The following GLI3 variants were observed in gnomAD, a reference collection of about 807,000 sequenced individuals.
GLI3 encodes the protein GLI family zinc finger 3, also known as transcription activator GLI3.
In GLI3, 20 loss-of-function variants were observed where a neutral mutation model predicts 100.8. The observed-to-expected ratio is 0.20, with a 90% CI of 0.14 to 0.29. GLI3 has a LOEUF of 0.29. Ranked by LOEUF, GLI3 falls within the 10% of genes least tolerant of loss-of-function variation. The pLI, the probability that GLI3 is intolerant of heterozygous loss-of-function variation, is 1.00. For synonymous variants in GLI3, 938 were observed against 860.5 expected (o/e 1.09, Z -1.58); for missense variants, 2,040 against 2,128.5 (o/e 0.96, Z 0.82).
chr7:42,255,349 A>G (rs1362760763), intron 1 of GLI3, among the ~76,000 whole-genome samples: 2 of 152,164 alleles, frequency 1.3e-5, no homozygotes, highest in African/African-American at 4.8e-5. Context: ...CATTCCATGA[A>G]ATTTATCCAT....
chr7:42,255,071 T>C (rs1402909510), intron 1 of GLI3, among the ~76,000 whole-genome samples: 1 of 147,170 alleles, frequency 6.8e-6, no homozygotes, highest in Non-Finnish European at 1.5e-5. Context: ...TTTTTTTCTG[T>C]TTCTGTTTTT....
intron 3 of GLI3, among the ~76,000 whole-genome samples, chr7:42,107,013 G>A (rs2178029): frequency 0.49 from 74,850 of 151,970 alleles, 20,144 homozygotes; most frequent in East Asian, 0.71. Flanking sequence ...TTTCCAAAGA[G>A]AGAAATGGAA....
intron 7 of GLI3, among the ~76,000 whole-genome samples, chr7:42,033,966 G>A (rs1246161996): frequency 6.6e-6 from 1 of 152,178 alleles, no homozygotes; most frequent in Non-Finnish European, 1.5e-5. Flanking sequence ...TCTGAATAAT[G>A]CTTTGGAGAA....
intron 3 of GLI3, among the ~76,000 whole-genome samples, chr7:42,131,815 A>G (rs1786283940): frequency 6.6e-6 from 1 of 152,202 alleles, no homozygotes; most frequent in African/African-American, 2.4e-5. Flanking sequence ...TACAAGTAAT[A>G]ATATAATATC....
At chr7:42,247,854 C>A (rs1478515705) in intron 1 of GLI3, among the ~76,000 whole-genome samples, 1 of 152,214 alleles carries the variant, frequency 6.6e-6, no homozygotes, top group Admixed American at 6.5e-5. Context: ...ACTCCAACTC[C>A]ATCTGAACTG....
At chr7:42,218,450 C>T (rs1328683368) in intron 2 of GLI3, among the ~76,000 whole-genome samples, 1 of 143,312 alleles carries the variant, frequency 7.0e-6, no homozygotes, top group East Asian at 2.5e-4. Flanking sequence ...TTTGTCATTA[C>T]TTTTAAAGGC....
At chr7:42,241,905 A>C (rs985947565), upstream of GLI3, among the ~76,000 whole-genome samples, 1 of 152,098 alleles carries the variant, frequency 6.6e-6, no homozygotes, top group Non-Finnish European at 1.5e-5. Context: ...AGCATGGTGG[A>C]TTTTACTCAT....
chr7:42,239,969 A>C (rs1300530044), upstream of GLI3, among the ~76,000 whole-genome samples: 1 of 152,204 alleles, frequency 6.6e-6, no homozygotes, highest in African/African-American at 2.4e-5. Context: ...GAATCCCAAA[A>C]TATAGAAGAG....
intron 3 of GLI3, among the ~76,000 whole-genome samples, chr7:42,084,109 T>C (rs1241426445): frequency 1.3e-5 from 2 of 152,362 alleles, no homozygotes; most frequent in Admixed American, 1.3e-4. Flanking sequence ...ACAAGCTTTT[T>C]ATCATTTCTT....
intron 10 of GLI3, among the ~76,000 whole-genome samples, chr7:42,016,972 A>G (rs1198755044): frequency 6.6e-6 from 1 of 152,130 alleles, no homozygotes; most frequent in African/African-American, 2.4e-5. Context: ...GAGGGTGTAA[A>G]TCATGTGTCC....
At chr7:42,233,448 C>T (rs552746715) in intron 1 of GLI3, among the ~76,000 whole-genome samples, 5 of 152,326 alleles carry the variant, frequency 3.3e-5, no homozygotes, top group African/African-American at 7.2e-5. Flanking sequence ...ACCTCCACTG[C>T]CCATGGACAT....
At chr7:42,200,510 GT>G in intron 2 of GLI3, among the ~76,000 whole-genome samples, 1 of 152,222 alleles carries the variant, frequency 6.6e-6, no homozygotes, top group South Asian at 2.1e-4. Context: ...CTATTTTAAA[GT>G]GCCTTTGAAG....
intron 10 of GLI3, among the ~76,000 whole-genome samples, chr7:42,010,850 T>C (rs1269786947): frequency 6.6e-6 from 1 of 152,206 alleles, no homozygotes. Flanking sequence ...TTTTTAGCCT[T>C]GCTAGACCTC....
intron 4 of GLI3, among the ~76,000 whole-genome samples, chr7:42,073,672 A>G (rs991788791): frequency 3.3e-5 from 5 of 152,062 alleles, no homozygotes; most frequent in East Asian, 1.9e-4. Flanking sequence ...TCTTCTAAAC[A>G]GAGATCTGTC....
At chr7:42,237,909 G>A (rs1000140652), upstream of GLI3, 1 of 147,770 alleles carries the variant, frequency 6.8e-6, no homozygotes, top group African/African-American at 2.5e-5. Flanking sequence ...GGCGCGTCGC[G>A]GGCCGGGGTC....
chr7:42,047,845 C>G (rs1160642468), intron 5 of GLI3, among the ~76,000 whole-genome samples: 1 of 152,202 alleles, frequency 6.6e-6, no homozygotes, highest in Non-Finnish European at 1.5e-5. Context: ...AGCCCTGGAC[C>G]ATGATGTTTT....
chr7:42,210,322 CTATTCAAAAATG>C (rs1788242194), intron 2 of GLI3, among the ~76,000 whole-genome samples: 1 of 137,386 alleles, frequency 7.3e-6, no homozygotes, highest in Non-Finnish European at 1.5e-5. Flanking sequence ...TCCCTCACTT[CTATTCAAAAATG>C]AAAGCCCCCC....
At chr7:42,156,631 CAGGT>C (rs1283912365) in intron 2 of GLI3, among the ~76,000 whole-genome samples, 3 of 152,196 alleles carry the variant, frequency 2.0e-5, no homozygotes, top group African/African-American at 7.2e-5. Flanking sequence ...CCAGAGTGTC[CAGGT>C]TGCTGCCACC....
Position 41,964,469 on chromosome 7 carries a change from G to A in GLI3, c.4604C>T (p.Ser1535Phe), listed in dbSNP as rs1224264770. 1.2e-6 allele frequency: 2 copies of A among 1,614,190 alleles called. No individual in the cohort carries two copies. The highest frequency in any genetic ancestry group is 1.7e-6 in the Non-Finnish European group (2 of 1,180,014). Residue 1535 changes from serine (S) to phenylalanine (F), a missense_variant, in exon 15 of 15, where the codon TCC (serine) becomes TTC (phenylalanine). By Grantham distance (155) the Ser-to-Phe change is radical. Transcript: ENST00000395925. ...CGCCCGAGGCGTGGTGAGGCGGGAGGAGCTATGGGAAAGGTTCTGAATGAT... is the reference window on the plus strand; with the variant it reads ...CGCCCGAGGCGTGGTGAGGCGGGAGAAGCTATGGGAAAGGTTCTGAATGAT... ...PSIIQNLSHS[S>F]SRLTTPRASL...
Sources: allele counts gnomAD v4.1 joint callset (sites outside exome capture counted in the v4.1 genomes callset), GRCh38; gene constraint gnomAD v4.1.1; transcripts MANE v1.5; gene names NCBI Gene and HGNC (gene_info 2026-07-23, HGNC 2026-07-21).